The following FOCAD variants were observed in gnomAD, a reference collection of about 807,000 sequenced individuals.
The protein encoded by FOCAD is KIAA1797.
In FOCAD, 198 loss-of-function variants were observed where a neutral mutation model predicts 225.6. The observed-to-expected ratio is 0.88, with a 90% CI of 0.78 to 0.99. The LOEUF is 0.99. Ranked by LOEUF, FOCAD falls within the 50% of genes least tolerant of loss-of-function variation. The pLI is 0.00. For missense variants in FOCAD, 2,713 were observed against 2,123.6 expected, an observed-to-expected ratio of 1.28 and a Z score of -5.46; for synonymous variants, 897 against 755.0, an observed-to-expected ratio of 1.19 and a Z score of -3.08.
At chr9:20,710,667 C>G (rs1490431534) in intron 1 of FOCAD, among the ~76,000 whole-genome samples, 5 of 151,830 alleles carry the variant, frequency 3.3e-5, no homozygotes, top group Non-Finnish European at 5.9e-5. Flanking sequence ...TTATATCACT[C>G]TATATTCCAT....
intron 35 of FOCAD, among the ~76,000 whole-genome samples, chr9:20,971,171 A>G (rs1029746195): frequency 2.6e-5 from 4 of 152,176 alleles, no homozygotes; most frequent in African/African-American, 9.7e-5. Context: ...AAGGAAAACA[A>G]AAAGGACTCT....
intron 5 of FOCAD, among the ~76,000 whole-genome samples, chr9:20,752,097 A>G (rs1423753256): frequency 2.8e-5 from 4 of 145,004 alleles, no homozygotes; most frequent in African/African-American, 1.0e-4. Flanking sequence ...ATTTTCTCCC[A>G]TTTTGTAGGT....
chr9:20,735,131 C>G (rs1827040275), intron 4 of FOCAD, among the ~76,000 whole-genome samples: 1 of 152,104 alleles, frequency 6.6e-6, no homozygotes, highest in Non-Finnish European at 1.5e-5. Flanking sequence ...TTGTGTATCT[C>G]TATTCTCTGC....
intron 11 of FOCAD, among the ~76,000 whole-genome samples, chr9:20,811,250 A>G (rs1482237964): frequency 6.6e-6 from 1 of 152,112 alleles, no homozygotes; most frequent in East Asian, 1.9e-4. Flanking sequence ...AGTGGCAAGT[A>G]CATGGGTTTT....
chr9:20,769,144 C>G (rs1198046990), intron 7 of FOCAD, among the ~76,000 whole-genome samples: 1 of 152,070 alleles, frequency 6.6e-6, no homozygotes, highest in Non-Finnish European at 1.5e-5. Flanking sequence ...TTTTTTATAA[C>G]AATGTTTTCT....
intron 31 of FOCAD, 133 bp downstream of exon 31, chr9:20,948,526 T>C (rs1837399050): frequency 1.0e-6 from 1 of 976,118 alleles, no homozygotes; most frequent in Non-Finnish European, 1.5e-6. Context: ...ATGAAAGAGA[T>C]CACATACTTT....
chr9:20,789,717 T>G, intron 11 of FOCAD, 109 bp downstream of exon 11: 1 of 1,392,880 alleles, frequency 7.2e-7, no homozygotes, highest in Non-Finnish European at 9.6e-7. Flanking sequence ...AATTATGGGT[T>G]GATGATTTTT....
At chr9:20,930,054 CT>C (rs1835321614) in intron 27 of FOCAD, among the ~76,000 whole-genome samples, 1 of 152,168 alleles carries the variant, frequency 6.6e-6, no homozygotes, top group African/African-American at 2.4e-5. Context: ...TACCTGAGAA[CT>C]ACATGTACCC....
intron 11 of FOCAD, among the ~76,000 whole-genome samples, chr9:20,811,312 C>G: frequency 6.6e-6 from 1 of 151,926 alleles, no homozygotes; most frequent in South Asian, 2.1e-4. Flanking sequence ...CTTCAGTTTT[C>G]CGTTTGAAAT....
chr9:20,729,234 G>T (rs1173468467), intron 4 of FOCAD, among the ~76,000 whole-genome samples: 1 of 152,202 alleles, frequency 6.6e-6, no homozygotes, highest in African/African-American at 2.4e-5. Flanking sequence ...TCCTTCTGGA[G>T]GCTCTGTGGG....
chr9:20,784,111 A>T (rs987493253), intron 10 of FOCAD, among the ~76,000 whole-genome samples: 2 of 152,150 alleles, frequency 1.3e-5, no homozygotes, highest in African/African-American at 4.8e-5. Flanking sequence ...GGCCTACTGG[A>T]TGATATAGTC....
At chr9:20,772,288 C>T (rs1200199046) in intron 8 of FOCAD, among the ~76,000 whole-genome samples, 2 of 152,104 alleles carry the variant, frequency 1.3e-5, no homozygotes, top group African/African-American at 4.8e-5. Flanking sequence ...ATGGATCATA[C>T]ATCGTTGGAT....
At chr9:20,665,027 G>C (rs1359974252) in intron 2 of FOCAD, among the ~76,000 whole-genome samples, 1 of 152,058 alleles carries the variant, frequency 6.6e-6, no homozygotes, top group Non-Finnish European at 1.5e-5. Context: ...GGTAACATTA[G>C]TTGACTTAAT....
intron 21 of FOCAD, among the ~76,000 whole-genome samples, chr9:20,899,851 C>T (rs770029116): frequency 6.6e-6 from 1 of 151,730 alleles, no homozygotes; most frequent in African/African-American, 2.4e-5. Context: ...GAATCATAGA[C>T]CCAAGTTTGA....
chr9:20,691,240 C>G (rs1046054622), intron 1 of FOCAD, among the ~76,000 whole-genome samples: 1 of 151,870 alleles, frequency 6.6e-6, no homozygotes, highest in Non-Finnish European at 1.5e-5. Context: ...ATAGTGCTGG[C>G]CCAATCTCTG....
At chr9:20,820,449 T>C (rs777764454) in intron 13 of FOCAD, 24 bp downstream of exon 13, 5 of 1,574,146 alleles carry the variant, frequency 3.2e-6, no homozygotes, top group Non-Finnish European at 4.4e-6. Context: ...TACACTTGCA[T>C]GAGTATTAAA....
At chr9:20,820,847 G>T in intron 13 of FOCAD, 94 bp from the exon 14 acceptor site, 1 of 1,356,454 alleles carries the variant, frequency 7.4e-7, no homozygotes, top group Non-Finnish European at 1.0e-6. Flanking sequence ...AATGCAAATG[G>T]AGGATTTGGA....
intron 11 of FOCAD, among the ~76,000 whole-genome samples, chr9:20,799,862 T>A (rs917022146): frequency 6.6e-6 from 1 of 152,114 alleles, no homozygotes; most frequent in Admixed American, 6.5e-5. Context: ...AGGTTAATAT[T>A]GTTATGTGTG....
chr9:20,971,480 C>T (rs1038049400), intron 35 of FOCAD, among the ~76,000 whole-genome samples: 1 of 151,630 alleles, frequency 6.6e-6, no homozygotes, highest in Non-Finnish European at 1.5e-5. Context: ...GCTCCTGTTG[C>T]TTAGGCTGGA....
Sources: allele counts gnomAD v4.1 joint callset (sites outside exome capture counted in the v4.1 genomes callset), GRCh38; gene constraint gnomAD v4.1.1; transcripts MANE v1.5; gene names NCBI Gene and HGNC (gene_info 2026-07-23, HGNC 2026-07-21).